Variants in HLCS observed in about 807,000 individuals in gnomAD.
HLCS encodes holocarboxylase synthetase.
A neutral mutation model predicts 75.0 loss-of-function variants in HLCS; 53 were observed. The observed-to-expected ratio is 0.71, with a 90% CI of 0.57 to 0.89. The LOEUF (loss-of-function observed/expected upper bound fraction) is 0.89. Ranked by LOEUF, HLCS falls within the 40% of genes least tolerant of loss-of-function variation. HLCS has a pLI of 0.00. For missense variants in HLCS, 966 were observed against 1,074.0 expected (o/e 0.90, Z 1.41); for synonymous variants, 431 against 428.6 (o/e 1.01, Z -0.07).
At chr21:36,854,753 C>G (rs1048057057) in intron 6 of HLCS, among the ~76,000 whole-genome samples, 5 of 152,200 alleles carry the variant, frequency 3.3e-5, no homozygotes, top group Admixed American at 1.3e-4. Context: ...TTGCAACACA[C>G]AAGGTCAGCC....
intron 6 of HLCS, among the ~76,000 whole-genome samples, chr21:36,873,715 C>CAAAA (rs2063852391): frequency 6.6e-6 from 1 of 152,142 alleles, no homozygotes; most frequent in Admixed American, 6.5e-5. Context: ...CTTTTAGGTT[C>CAAAA]AGGCCTCCTG....
intron 6 of HLCS, among the ~76,000 whole-genome samples, chr21:36,861,310 A>T (rs2063374392): frequency 1.3e-5 from 2 of 152,220 alleles, no homozygotes; most frequent in South Asian, 4.2e-4. Flanking sequence ...GTGTTTACCT[A>T]TGTGGTCCGT....
chr21:36,895,291 C>T (rs1601659797), intron 6 of HLCS, among the ~76,000 whole-genome samples: 1 of 152,260 alleles, frequency 6.6e-6, no homozygotes, highest in East Asian at 1.9e-4. Context: ...GTTACCCCTT[C>T]GATATAATGA....
intron 7 of HLCS, 28 bp from the exon 8 acceptor site, chr21:36,765,200 T>C: frequency 1.2e-6 from 2 of 1,613,384 alleles, no homozygotes; most frequent in Non-Finnish European, 1.7e-6. Flanking sequence ...GTGGGAAACA[T>C]GCTACCTTGC....
At chr21:36,849,553 C>A (rs2062916510) in intron 6 of HLCS, among the ~76,000 whole-genome samples, 1 of 152,172 alleles carries the variant, frequency 6.6e-6, no homozygotes, top group Admixed American at 6.5e-5. Context: ...TGGATGCCAG[C>A]CAGTGTGGCA....
intron 5 of HLCS, among the ~76,000 whole-genome samples, chr21:36,911,970 C>T (rs2065734512): frequency 6.7e-6 from 1 of 149,436 alleles, no homozygotes; most frequent in African/African-American, 2.5e-5. Context: ...ACTTGGGAGG[C>T]GGAGACAGAA....
intron 6 of HLCS, among the ~76,000 whole-genome samples, chr21:36,879,915 G>GAA (rs11323079): frequency 6.6e-5 from 8 of 120,938 alleles, no homozygotes; most frequent in Admixed American, 2.5e-4. Flanking sequence ...ATCTCTTAAA[G>GAA]AAAAAAAAAA....
intron 6 of HLCS, among the ~76,000 whole-genome samples, chr21:36,824,929 T>C (rs2061959931): frequency 6.6e-6 from 1 of 152,226 alleles, no homozygotes; most frequent in Non-Finnish European, 1.5e-5. Context: ...CAGGCAGTCA[T>C]TGGCATGCTT....
chr21:36,976,392 T>TCTCA (rs141223194), intron 1 of HLCS, among the ~76,000 whole-genome samples: 3,121 of 140,566 alleles, frequency 0.022, 105 homozygotes, highest in African/African-American at 0.073. Context: ...AGGAAGTCAG[T>TCTCA]CACACACACA....
chr21:36,977,106 G>A (rs553356818), intron 1 of HLCS, among the ~76,000 whole-genome samples: 45 of 151,920 alleles, frequency 3.0e-4, no homozygotes, highest in Non-Finnish European at 5.4e-4. Flanking sequence ...GTAAAGTGAC[G>A]TAGAACTGCT....
intron 6 of HLCS, among the ~76,000 whole-genome samples, chr21:36,800,133 C>T (rs967952098): frequency 1.3e-5 from 2 of 152,088 alleles, no homozygotes; most frequent in Non-Finnish European, 2.9e-5. Flanking sequence ...CAAATGACCC[C>T]GCAGACTCTG....
chr21:36,989,345 A>T (rs1203405068), intron 1 of HLCS, among the ~76,000 whole-genome samples: 2 of 118,432 alleles, frequency 1.7e-5, no homozygotes, highest in African/African-American at 6.6e-5. Flanking sequence ...TTTTAATGAG[A>T]CGGAGTTCGC....
chr21:36,783,583 A>C (rs987393125), intron 6 of HLCS, among the ~76,000 whole-genome samples: 13 of 152,302 alleles, frequency 8.5e-5, no homozygotes, highest in Non-Finnish European at 2.9e-5. Context: ...AAAAAGGGGA[A>C]AGGAACAAAG....
intron 5 of HLCS, among the ~76,000 whole-genome samples, chr21:36,922,628 C>G (rs2066221809): frequency 6.6e-6 from 1 of 152,214 alleles, no homozygotes; most frequent in Non-Finnish European, 1.5e-5. Context: ...TTGGCTGAGT[C>G]TTCCTGCTTT....
At chr21:36,807,877 T>C (rs2061406343) in intron 6 of HLCS, among the ~76,000 whole-genome samples, 1 of 152,222 alleles carries the variant, frequency 6.6e-6, no homozygotes, top group African/African-American at 2.4e-5. Flanking sequence ...TGTTATATTA[T>C]GGGCACATTG....
chr21:36,848,404 G>C (rs1303810788), intron 6 of HLCS, among the ~76,000 whole-genome samples: 2 of 151,788 alleles, frequency 1.3e-5, no homozygotes, highest in African/African-American at 4.8e-5. Flanking sequence ...GGAGTAGCTG[G>C]GATTACAGGC....
rs2062664411 is a variant in HLCS, at chr21:36,842,889, C to T, written c.1892+53971G>A. Among the ~76,000 whole-genome samples, 1 of 152,192 alleles carries T rather than the reference C, an allele frequency of 6.6e-6. No individual in the cohort carries two copies. Among genetic ancestry groups the T allele is most frequent in the Middle Eastern group, 3.2e-3 (1 of 316 alleles). ...TCAGCCTAACCAGCAGGATGAGGGG[C>T]CCCGGGCCAGGGAGCAACATCCTCT... On this transcript the variant is annotated intron_variant, in intron 6 of 10. Transcript: ENST00000674895. This position sits in a 1 kb window ranked among gnomAD's most constrained non-coding sequence, Gnocchi z 4.2.
rs572314678 is a variant in HLCS, at chr21:36,760,663, C to T, written c.2122-822G>A. On this transcript the variant is annotated intron_variant, in intron 8 of 10. Transcript: ENST00000674895. ...GATGCAGAGGAGAAATTCACCTTAG[C>T]GAAAGCCTCGCAGAACTGCTAATGG... is the stretch of plus-strand genomic sequence containing the variant. Among the ~76,000 whole-genome samples, 8 of 151,660 alleles carry T rather than the reference C, an allele frequency of 5.3e-5. No homozygotes were observed. The South Asian group carries it at 8.4e-4, about 16-fold the overall frequency.
intron 6 of HLCS, among the ~76,000 whole-genome samples, chr21:36,784,414 C>T (rs1008502430): frequency 4.6e-5 from 7 of 150,880 alleles, no homozygotes; most frequent in African/African-American, 1.5e-4. Context: ...CTCCCAGGTT[C>T]GAGCAATTCT....
Sources: allele counts gnomAD v4.1 joint callset (sites outside exome capture counted in the v4.1 genomes callset), GRCh38; gene constraint gnomAD v4.1.1; non-coding constraint Gnocchi (gnomAD v3.1); transcripts MANE v1.5; gene names NCBI Gene and HGNC (gene_info 2026-07-23, HGNC 2026-07-21).